The following CDH18 variants were observed in gnomAD, a reference collection of about 807,000 sequenced individuals.
CDH18 encodes the protein cadherin-18.
A neutral mutation model predicts 67.9 loss-of-function variants in CDH18; 31 were observed. That is an observed-to-expected ratio of 0.46 (90% CI 0.34 to 0.62). The LOEUF is 0.62. CDH18 is among the 20% of genes least tolerant of loss of function. CDH18 has a pLI of 0.01. For synonymous variants in CDH18, 362 were observed against 347.2 expected (o/e 1.04, Z -0.48); for missense variants, 890 against 975.5 (o/e 0.91, Z 1.17).
intron 1 of CDH18, among the ~76,000 whole-genome samples, chr5:20,518,107 G>C (rs958649507): frequency 6.6e-6 from 1 of 151,882 alleles, no homozygotes; most frequent in African/African-American, 2.4e-5. Flanking sequence ...AGAAACAACA[G>C]AACTGACCCT....
At chr5:19,559,925 C>CAAAAAAAAAAAA (rs766058553) in intron 8 of CDH18, among the ~76,000 whole-genome samples, 1 of 145,308 alleles carries the variant, frequency 6.9e-6, no homozygotes. Context: ...CAAAAACAAA[C>CAAAAAAAAAAAA]AAAAAAAAAA....
chr5:20,272,560 G>T (rs1383283831), intron 1 of CDH18, among the ~76,000 whole-genome samples: 2 of 151,660 alleles, frequency 1.3e-5, no homozygotes, highest in African/African-American at 2.4e-5. Flanking sequence ...GTTTTTTTTG[G>T]AGTGAGACTA....
intron 2 of CDH18, among the ~76,000 whole-genome samples, chr5:20,187,513 A>AT (rs1211489254): frequency 6.6e-6 from 1 of 151,794 alleles, no homozygotes; most frequent in Non-Finnish European, 1.5e-5. Flanking sequence ...TACAATCTGT[A>AT]TTTTTTCCCT....
At chr5:19,556,290 A>G (rs1401593868) in intron 8 of CDH18, among the ~76,000 whole-genome samples, 1 of 152,198 alleles carries the variant, frequency 6.6e-6, no homozygotes, top group African/African-American at 2.4e-5. Context: ...GAATTGCCAG[A>G]AAAAGATTTC....
At chr5:20,297,354 T>C (rs1303695094) in intron 1 of CDH18, among the ~76,000 whole-genome samples, 1 of 152,210 alleles carries the variant, frequency 6.6e-6, no homozygotes, top group African/African-American at 2.4e-5. Flanking sequence ...ATCTAATGTC[T>C]TGCTGCAAGC....
intron 1 of CDH18, among the ~76,000 whole-genome samples, chr5:20,401,381 T>G (rs74352596): frequency 0.03 from 4,543 of 152,280 alleles, 122 homozygotes; most frequent in South Asian, 0.053. Context: ...GTTTATAGAA[T>G]TTGAGAAAAT....
chr5:20,383,065 A>T (rs1332061117), intron 1 of CDH18, among the ~76,000 whole-genome samples: 6 of 152,118 alleles, frequency 3.9e-5, no homozygotes, highest in Non-Finnish European at 5.9e-5. Flanking sequence ...AAAATCCCTT[A>T]AAAAAACTCT....
At chr5:19,551,484 T>G (rs1737438773) in intron 8 of CDH18, among the ~76,000 whole-genome samples, 1 of 152,166 alleles carries the variant, frequency 6.6e-6, no homozygotes, top group South Asian at 2.1e-4. Flanking sequence ...TTAAGAGATT[T>G]AGTCTCTCTG....
intron 2 of CDH18, among the ~76,000 whole-genome samples, chr5:19,920,280 C>T (rs943954385): frequency 4.6e-5 from 7 of 152,024 alleles, no homozygotes; most frequent in Non-Finnish European, 8.8e-5. Context: ...TAATTTCAGC[C>T]ATTCTAAATA....
chr5:19,991,883 T>A (rs1481111295), upstream of CDH18: 1 of 151,890 alleles, frequency 6.6e-6, no homozygotes, highest in East Asian at 1.9e-4. Flanking sequence ...CCTGGCGTGG[T>A]GGCGGGCGCC....
intron 1 of CDH18, among the ~76,000 whole-genome samples, chr5:20,568,459 T>C (rs1427710020): frequency 6.6e-6 from 1 of 152,160 alleles, no homozygotes; most frequent in Non-Finnish European, 1.5e-5. Context: ...AGGAGTTAAT[T>C]ATATTGATTT....
chr5:20,453,399 G>A lies in CDH18; in HGVS notation c.-580+122063C>T, dbSNP rs191509419. ...GGTTTGCCTGATAGGGCAACTAACA[G>A]GCTACAAGTCCATGAAAGTCATTCA... is the stretch of plus-strand genomic sequence containing the variant. On this transcript the variant is annotated intron_variant, in intron 1 of 14. Coordinates refer to the CDH18 transcript ENST00000507958. 3.3e-3 allele frequency among the ~76,000 whole-genome samples: 495 copies of A among 152,190 alleles called. 2 individuals are homozygous for A. The highest frequency in any genetic ancestry group is 0.011 in the African/African-American group (476 of 41,532).
In CDH18 at chr5:20,118,923, G is replaced by T. The variant is rs184845110; in HGVS notation, c.-517-126909C>A. 2.1e-3 allele frequency among the ~76,000 whole-genome samples: 320 copies of T among 152,206 alleles called. 2 individuals are homozygous for T. Among genetic ancestry groups the T allele is most frequent in the Admixed American group, 5.0e-3 (76 of 15,280 alleles). On this transcript the variant is annotated intron_variant, in intron 2 of 14. Transcript: ENST00000507958. ...ATTTTCCCCTTTCACATACTAACAG[G>T]TAATTTGCATTTATTAGGTGAACAA...
At chr5:19,580,898 G>A (rs1743141406) in intron 7 of CDH18, among the ~76,000 whole-genome samples, 1 of 151,804 alleles carries the variant, frequency 6.6e-6, no homozygotes, top group Non-Finnish European at 1.5e-5. Context: ...AATTTTTTTA[G>A]TGGAATATAA....
chr5:19,904,718 C>G (rs947429853), intron 2 of CDH18, among the ~76,000 whole-genome samples: 2 of 152,052 alleles, frequency 1.3e-5, no homozygotes, highest in Non-Finnish European at 2.9e-5. Context: ...TTTGAAGTAC[C>G]TTGTTGTATT....
At chr5:20,188,765 TA>T (rs1159929151) in intron 2 of CDH18, among the ~76,000 whole-genome samples, 3 of 149,498 alleles carry the variant, frequency 2.0e-5, no homozygotes. Flanking sequence ...AAACCATCTG[TA>T]ATCTAGGCTT....
chr5:20,057,487 A>G (rs1742098522), intron 2 of CDH18, among the ~76,000 whole-genome samples: 1 of 152,196 alleles, frequency 6.6e-6, no homozygotes, highest in Non-Finnish European at 1.5e-5. Context: ...ATTATTAATT[A>G]AAGATATTTA....
chr5:19,895,690 A>T (rs983521312), intron 2 of CDH18, among the ~76,000 whole-genome samples: 30 of 152,348 alleles, frequency 2.0e-4, no homozygotes, highest in Middle Eastern at 6.8e-3. Context: ...AAGAAAATAG[A>T]CTATTTATAA....
At chr5:20,022,096 T>C (rs1189188393) in intron 2 of CDH18, among the ~76,000 whole-genome samples, 1 of 152,228 alleles carries the variant, frequency 6.6e-6, no homozygotes, top group Non-Finnish European at 1.5e-5. Context: ...CTTATTATCC[T>C]AATGTTCTTC....
Sources: gnomAD v4.1 joint callset for allele counts (sites outside exome capture counted in the v4.1 genomes callset) on GRCh38, gnomAD v4.1.1 for gene constraint, MANE v1.5 for transcripts, NCBI Gene and HGNC (gene_info 2026-07-23, HGNC 2026-07-21) for gene names.